Variants in CERT1 observed in about 807,000 individuals in gnomAD.
The protein encoded by CERT1 is ceramide transfer protein.
CERT1 carries 31 observed loss-of-function variants against 87.9 expected under a neutral mutation model. That is an observed-to-expected ratio of 0.35 (90% confidence interval 0.27 to 0.48). The LOEUF is 0.48. Ranked by LOEUF, CERT1 falls within the 20% of genes least tolerant of loss-of-function variation. The probability of loss-of-function intolerance (pLI) is 0.99; values close to 1 mark genes in which losing one functional copy is unlikely to be tolerated. For missense variants in CERT1, 487 were observed against 758.0 expected (o/e 0.64, Z 4.20); for synonymous variants, 289 against 250.9 (o/e 1.15, Z -1.44).
chr5:75,483,238 T>A (rs1482047268), intron 2 of CERT1, among the ~76,000 whole-genome samples: 1 of 152,062 alleles, frequency 6.6e-6, no homozygotes, highest in Non-Finnish European at 1.5e-5. Context: ...ATCCAATTGA[T>A]AAAATGAAAT....
chr5:75,404,291 T>TAAAAAA lies in CERT1; in HGVS notation c.931-1239_931-1234dup, dbSNP rs11349407. 5.5e-4 allele frequency among the ~76,000 whole-genome samples: 46 copies of TAAAAAA among 84,044 alleles called. No homozygotes were observed. The South Asian group carries it at 0.01, about 18-fold the overall frequency. 55.1% of individuals were successfully genotyped at this position (84,044 alleles called of 152,430 possible). A position where few individuals can be genotyped will look rare whatever the true frequency, so the allele number is the denominator to read the frequency against. On this transcript the variant is annotated intron_variant, in intron 8 of 16. Transcript: ENST00000643780. The stretch of plus-strand genomic sequence containing the variant: ...ACTCAGTCCCCTACAACCTACTTCA[T>TAAAAAA]AAAAAAAAAAAAAAAAAAAAAAACA...
In CERT1 at chr5:75,511,501, G is replaced by A. The variant is rs760593989; in HGVS notation, c.-294C>T. The stretch of plus-strand genomic sequence containing the variant: ...CGCCCGGCGCTGCCACCCGAACTTA[G>A]CCCCCTCGATGCCAATTTCAAATAG... On this transcript the variant is annotated 5_prime_UTR_variant, in exon 1 of 17. Transcript: ENST00000643780. The A allele has an allele frequency of 6.7e-6, 10 of 1,486,450 alleles. No homozygotes were observed. In the South Asian group the frequency reaches 9.2e-5, roughly 14 times the overall value. 92.1% of individuals were successfully genotyped at this position (1,486,450 alleles called of 1,614,324 possible).
intron 3 of CERT1, among the ~76,000 whole-genome samples, chr5:75,443,566 A>G (rs543466793): frequency 1.6e-4 from 24 of 152,340 alleles, no homozygotes; most frequent in African/African-American, 5.5e-4. Flanking sequence ...TCAAAATGGA[A>G]TAAGATTTAA....
intron 3 of CERT1, among the ~76,000 whole-genome samples, chr5:75,444,548 CTTT>C (rs952234196): frequency 1.6e-5 from 2 of 128,792 alleles, no homozygotes; most frequent in Non-Finnish European, 3.3e-5. Context: ...CTTTTCTTTT[CTTT>C]TTTTTTTTTT....
chr5:75,404,573 A>G (rs1337658240), intron 8 of CERT1, among the ~76,000 whole-genome samples: 2 of 152,236 alleles, frequency 1.3e-5, no homozygotes, highest in Admixed American at 6.5e-5. Context: ...CATATTTTCT[A>G]ATGATTTTAA....
intron 2 of CERT1, among the ~76,000 whole-genome samples, chr5:75,487,648 T>TA (rs1179492590): frequency 6.6e-6 from 1 of 151,918 alleles, no homozygotes; most frequent in African/African-American, 2.4e-5. Context: ...GTAATCCACT[T>TA]AAAAAATGGT....
chr5:75,447,633 G>A (rs1365413591), intron 3 of CERT1, among the ~76,000 whole-genome samples: 1 of 151,814 alleles, frequency 6.6e-6, no homozygotes, highest in Non-Finnish European at 1.5e-5. Context: ...ACCACGCCCA[G>A]CTAATCTTTT....
At chr5:75,458,500 A>G (rs2112308492) in intron 3 of CERT1, among the ~76,000 whole-genome samples, 1 of 152,284 alleles carries the variant, frequency 6.6e-6, no homozygotes, top group Admixed American at 6.5e-5. Context: ...AAAAATCGAA[A>G]TGTGTTTTAT....
At chr5:75,478,909 TAAAAAAAAAAAAAAAA>T (rs11438163) in intron 2 of CERT1, among the ~76,000 whole-genome samples, 2 of 21,748 alleles carry the variant, frequency 9.2e-5, no homozygotes, top group Non-Finnish European at 1.6e-4. Flanking sequence ...AAGTAAGTAC[TAAAAAAAAAAAAAAAA>T]AAAAAAAAAA....
chr5:75,427,444 C>T (rs934486705), intron 3 of CERT1, among the ~76,000 whole-genome samples: 1 of 152,064 alleles, frequency 6.6e-6, no homozygotes, highest in Non-Finnish European at 1.5e-5. Context: ...ACTAAAAATA[C>T]AAAAATTAGC....
intron 4 of CERT1, 124 bp from the exon 5 acceptor site, chr5:75,425,623 G>A: frequency 2.4e-6 from 2 of 846,902 alleles, no homozygotes; most frequent in East Asian, 2.6e-5. Flanking sequence ...GATAAGGAGA[G>A]CTGTCTAGTT....
chr5:75,390,046 TA>T (rs1278208026), intron 11 of CERT1, among the ~76,000 whole-genome samples: 4 of 152,066 alleles, frequency 2.6e-5, no homozygotes, highest in Non-Finnish European at 5.9e-5. Context: ...AGAGTAGAGA[TA>T]AAGGGGGCAC....
intron 2 of CERT1, among the ~76,000 whole-genome samples, chr5:75,471,259 C>A (rs1765694422): frequency 6.6e-6 from 1 of 152,170 alleles, no homozygotes; most frequent in Non-Finnish European, 1.5e-5. Flanking sequence ...CTAAGCTATA[C>A]AGTACAGCTT....
chr5:75,379,575 G>A, intron 16 of CERT1, 102 bp from the exon 17 acceptor site: 1 of 1,062,704 alleles, frequency 9.4e-7, no homozygotes. Flanking sequence ...CCTCACATTG[G>A]ACCAATTAGC....
intron 2 of CERT1, among the ~76,000 whole-genome samples, chr5:75,504,141 AAAG>A (rs1433844098): frequency 6.6e-6 from 1 of 152,056 alleles, no homozygotes; most frequent in Non-Finnish European, 1.5e-5. Flanking sequence ...ATAATACGCA[AAAG>A]AAGGGGAGTG....
intron 2 of CERT1, among the ~76,000 whole-genome samples, chr5:75,479,103 CAA>C (rs143501850): frequency 6.7e-6 from 1 of 148,200 alleles, no homozygotes; most frequent in Non-Finnish European, 1.5e-5. Flanking sequence ...TTAAATGGGA[CAA>C]AAAAAAAGAC....
chr5:75,402,441 A>T (rs995132695), intron 9 of CERT1: 1 of 152,230 alleles, frequency 6.6e-6, no homozygotes, highest in Non-Finnish European at 1.5e-5. Flanking sequence ...GGTTCCTTTT[A>T]ACAATTATTG....
chr5:75,462,682 C>T (rs958256378), intron 2 of CERT1, among the ~76,000 whole-genome samples: 4 of 151,948 alleles, frequency 2.6e-5, no homozygotes, highest in Non-Finnish European at 4.4e-5. Flanking sequence ...GAGTTAAAAA[C>T]GTGGGAAACA....
intron 3 of CERT1, among the ~76,000 whole-genome samples, chr5:75,449,281 G>T (rs977088574): frequency 1.3e-5 from 2 of 151,988 alleles, no homozygotes; most frequent in African/African-American, 4.8e-5. Context: ...GAATAAACAG[G>T]AATTACAAAA....
Sources: gnomAD v4.1 joint callset for allele counts (sites outside exome capture counted in the v4.1 genomes callset) on GRCh38, gnomAD v4.1.1 for gene constraint, MANE v1.5 for transcripts, NCBI Gene and HGNC (gene_info 2026-07-23, HGNC 2026-07-21) for gene names.